Variants in ELOVL6 observed in about 807,000 individuals in gnomAD.
ELOVL6 encodes the protein ELOVL fatty acid elongase 6.
A neutral mutation model predicts 31.7 loss-of-function variants in ELOVL6; 8 were observed. That is an observed-to-expected ratio of 0.25 (90% CI 0.15 to 0.45). ELOVL6 has a LOEUF of 0.45. ELOVL6 is among the 20% of genes least tolerant of loss of function. The probability of loss-of-function intolerance (pLI) is 1.00; values close to 1 mark genes in which losing one functional copy is unlikely to be tolerated. For missense variants in ELOVL6, 126 were observed against 326.4 expected, an observed-to-expected ratio of 0.39 and a Z score of 4.73; for synonymous variants, 101 against 117.7, an observed-to-expected ratio of 0.86 and a Z score of 0.92.
At chr4:110,084,932 T>C (rs1756206513) in intron 2 of ELOVL6, among the ~76,000 whole-genome samples, 1 of 151,958 alleles carries the variant, frequency 6.6e-6, no homozygotes, top group Admixed American at 6.6e-5. Context: ...AAAAGAAGAC[T>C]AAGGCTATTG....
At chr4:110,084,352 A>ATATATATCGCATATATGG in intron 2 of ELOVL6, among the ~76,000 whole-genome samples, 1 of 120,192 alleles carries the variant, frequency 8.3e-6, no homozygotes, top group Non-Finnish European at 1.7e-5. Flanking sequence ...ATGATATATG[A>ATATATATCGCATATATGG]TATATACCGC....
At chr4:110,083,910 T>TAG (rs1208996335) in intron 2 of ELOVL6, among the ~76,000 whole-genome samples, 1 of 59,632 alleles carries the variant, frequency 1.7e-5, no homozygotes, top group African/African-American at 5.1e-5. Flanking sequence ...TATATACACA[T>TAG]AGAGAGAGAG....
intron 1 of ELOVL6, among the ~76,000 whole-genome samples, chr4:110,114,147 GCCT>G (rs1160634007): frequency 1.3e-5 from 2 of 152,092 alleles, no homozygotes; most frequent in East Asian, 1.9e-4. Context: ...ATTCTGAAAT[GCCT>G]CCTATTAAAT....
intron 1 of ELOVL6, among the ~76,000 whole-genome samples, chr4:110,197,307 T>C (rs987526032): frequency 1.5e-4 from 22 of 151,666 alleles, no homozygotes; most frequent in Non-Finnish European, 7.3e-5. Flanking sequence ...CACCCTCCTC[T>C]GTTAAATATT....
intron 1 of ELOVL6, among the ~76,000 whole-genome samples, chr4:110,160,244 T>C (rs993771722): frequency 6.6e-6 from 1 of 152,164 alleles, no homozygotes; most frequent in Non-Finnish European, 1.5e-5. Context: ...TAGAGCATTT[T>C]CACTGGCCCT....
At chr4:110,062,323 C>T (rs1755164645) in intron 2 of ELOVL6, among the ~76,000 whole-genome samples, 1 of 152,178 alleles carries the variant, frequency 6.6e-6, no homozygotes, top group South Asian at 2.1e-4. Flanking sequence ...TAACTCAGAA[C>T]AGAGGACAGT....
chr4:110,060,750 C>T (rs560354915), intron 2 of ELOVL6, among the ~76,000 whole-genome samples: 1 of 152,140 alleles, frequency 6.6e-6, no homozygotes, highest in Non-Finnish European at 1.5e-5. Flanking sequence ...GGAAGATGGA[C>T]CTGCCTAGCC....
At chr4:110,142,291 C>T (rs554202291) in intron 1 of ELOVL6, among the ~76,000 whole-genome samples, 5 of 151,836 alleles carry the variant, frequency 3.3e-5, no homozygotes, top group South Asian at 2.1e-4. Flanking sequence ...ATGATCCATC[C>T]GCCTTGGCCT....
intron 1 of ELOVL6, among the ~76,000 whole-genome samples, chr4:110,108,600 C>T (rs145474415): frequency 6.6e-6 from 1 of 152,274 alleles, no homozygotes; most frequent in African/African-American, 2.4e-5. Flanking sequence ...AGGTGGAGCC[C>T]AATTTCCTCC....
intron 1 of ELOVL6, among the ~76,000 whole-genome samples, chr4:110,184,020 T>A (rs1285997662): frequency 6.6e-6 from 1 of 152,078 alleles, no homozygotes; most frequent in Non-Finnish European, 1.5e-5. Context: ...AATAAAAAAA[T>A]CATCTCTCTC....
chr4:110,152,315 C>T (rs1758300151), intron 1 of ELOVL6, among the ~76,000 whole-genome samples: 1 of 152,262 alleles, frequency 6.6e-6, no homozygotes, highest in East Asian at 1.9e-4. Context: ...GGAAAAAACC[C>T]ATCTATCACG....
chr4:110,193,470 T>C (rs1759683940), intron 1 of ELOVL6, among the ~76,000 whole-genome samples: 1 of 152,106 alleles, frequency 6.6e-6, no homozygotes, highest in South Asian at 2.1e-4. Context: ...CTTGGTGTCA[T>C]GGCAGGCACC....
intron 1 of ELOVL6, among the ~76,000 whole-genome samples, chr4:110,196,377 G>A (rs1012853760): frequency 6.6e-6 from 1 of 152,170 alleles, no homozygotes; most frequent in Non-Finnish European, 1.5e-5. Context: ...ACCCGGGCCC[G>A]GGGCTAGCCA....
At position 110,060,826 on chromosome 4, in the gene ELOVL6, G is replaced by A. The variant is rs1008320580; in HGVS notation, c.222-1072C>T. Among the ~76,000 whole-genome samples, 10 of 152,310 alleles carry A rather than the reference G, an allele frequency of 6.6e-5. No individual in the cohort carries two copies. In the South Asian group the frequency reaches 1.0e-3, roughly 16 times the overall value. On this transcript the variant is annotated intron_variant, in intron 2 of 3. Coordinates refer to ENST00000302274, the MANE Select transcript of ELOVL6 (RefSeq NM_024090.3). ...CTGAGAGATCAATGAATGAACAACT[G>A]TTGAATTGGGAAATGGAGCCTTCTT...
chr4:110,142,965 C>T (rs767955895), intron 1 of ELOVL6, among the ~76,000 whole-genome samples: 2 of 152,146 alleles, frequency 1.3e-5, no homozygotes, highest in African/African-American at 2.4e-5. Flanking sequence ...TCCCTCAGCA[C>T]GTAAGGAATG....
chr4:110,198,143 A>C, intron 1 of ELOVL6, 104 bp downstream of exon 1: 2 of 596,878 alleles, frequency 3.4e-6, no homozygotes, highest in Non-Finnish European at 3.1e-6. Flanking sequence ...GCTGCCCGCG[A>C]TTCATCGCTC....
intron 1 of ELOVL6, among the ~76,000 whole-genome samples, chr4:110,149,852 C>T (rs974808187): frequency 6.6e-6 from 1 of 152,042 alleles, no homozygotes; most frequent in African/African-American, 2.4e-5. Flanking sequence ...TGTAAGCACC[C>T]CAAAAATAAT....
chr4:110,142,187 C>T (rs1757985638), intron 1 of ELOVL6, among the ~76,000 whole-genome samples: 1 of 150,800 alleles, frequency 6.6e-6, no homozygotes, highest in Admixed American at 6.7e-5. Context: ...TCTCCTGCCT[C>T]AGCCTCCCAA....
chr4:110,052,652 T>C (rs1189321770), intron 3 of ELOVL6, among the ~76,000 whole-genome samples: 1 of 152,218 alleles, frequency 6.6e-6, no homozygotes, highest in Non-Finnish European at 1.5e-5. Flanking sequence ...GCTATGTATC[T>C]GCAATGCTTC....
Sources: allele counts gnomAD v4.1 joint callset (sites outside exome capture counted in the v4.1 genomes callset), GRCh38; gene constraint gnomAD v4.1.1; transcripts MANE v1.5; gene names NCBI Gene and HGNC (gene_info 2026-07-23, HGNC 2026-07-21).